Variants in PRUNE2 observed in about 807,000 individuals in gnomAD.
PRUNE2 encodes prune homolog 2 with BCH domain, also known as protein prune homolog 2.
A neutral mutation model predicts 252.0 loss-of-function variants in PRUNE2; 164 were observed. The observed-to-expected ratio is 0.65, with a 90% confidence interval of 0.57 to 0.74. PRUNE2 has a LOEUF of 0.74. Ranked by LOEUF, PRUNE2 falls within the 30% of genes least tolerant of loss-of-function variation. The pLI is 0.00. For synonymous variants in PRUNE2, 1,292 were observed against 1,350.2 expected (o/e 0.96, Z 0.94); for missense variants, 3,495 against 3,711.0 (o/e 0.94, Z 1.51).
At chr9:76,741,650 C>G (rs1024760875) in intron 6 of PRUNE2, among the ~76,000 whole-genome samples, 1 of 152,192 alleles carries the variant, frequency 6.6e-6, no homozygotes, top group African/African-American at 2.4e-5. Flanking sequence ...TCAAACGCCT[C>G]CATTTATCAA....
chr9:76,629,436 A>G (rs932537969), intron 15 of PRUNE2, 146 bp from the exon 16 acceptor site: 1 of 535,916 alleles, frequency 1.9e-6, no homozygotes. Flanking sequence ...ACGAGTTACA[A>G]TGTGCCAGAC....
intron 1 of PRUNE2, among the ~76,000 whole-genome samples, chr9:76,872,483 T>C (rs913868728): frequency 2.0e-5 from 3 of 152,062 alleles, no homozygotes; most frequent in African/African-American, 7.2e-5. Flanking sequence ...GACTTTTGCC[T>C]TTCTTCAAGG....
chr9:76,766,528 T>A (rs2077372021), intron 6 of PRUNE2, among the ~76,000 whole-genome samples: 1 of 152,216 alleles, frequency 6.6e-6, no homozygotes, highest in Non-Finnish European at 1.5e-5. Flanking sequence ...AAATTAACTT[T>A]CTTGGACAAC....
intron 8 of PRUNE2, 136 bp downstream of exon 8, chr9:76,704,625 C>G: frequency 4.7e-6 from 3 of 642,334 alleles, no homozygotes; most frequent in African/African-American, 1.8e-5. Flanking sequence ...TAATACAGGA[C>G]TTAGTGAGGC....
At chr9:76,893,466 G>C (rs1040538307) in intron 1 of PRUNE2, among the ~76,000 whole-genome samples, 1 of 152,222 alleles carries the variant, frequency 6.6e-6, no homozygotes, top group South Asian at 2.1e-4. Flanking sequence ...GTGTACCCAG[G>C]GTGACATGGT....
At chr9:76,681,262 G>A (rs2134216869) in intron 9 of PRUNE2, among the ~76,000 whole-genome samples, 1 of 152,246 alleles carries the variant, frequency 6.6e-6, no homozygotes, top group South Asian at 2.1e-4. Flanking sequence ...ACAGAAAGTA[G>A]AATGGTGGTT....
rs557205581 is a variant in PRUNE2 at position 76,858,224 on chromosome 9, C to T, written c.37-4016G>A. Among the ~76,000 whole-genome samples, 5 of 152,270 alleles carry T rather than the reference C, an allele frequency of 3.3e-5. No homozygotes were observed. In the South Asian group the frequency reaches 8.3e-4, roughly 25 times the overall value. On this transcript the variant is annotated intron_variant, in intron 1 of 18. Coordinates refer to ENST00000376718, the MANE Select transcript of PRUNE2 (RefSeq NM_015225.3). ...GCAATAAACCAAATGGACAAAAATC[C>T]CATCCCTCACTGCACTTGCAATTTA...
chr9:76,757,773 C>T (rs10123185), intron 6 of PRUNE2, among the ~76,000 whole-genome samples: 2,441 of 151,934 alleles, frequency 0.016, 53 homozygotes, highest in African/African-American at 0.049. Context: ...ATGGAGAAAT[C>T]CCATCTCTAC....
chr9:76,870,874 C>T (rs1277022481), intron 1 of PRUNE2, among the ~76,000 whole-genome samples: 4 of 151,950 alleles, frequency 2.6e-5, no homozygotes, highest in African/African-American at 4.8e-5. Flanking sequence ...AATAACAATA[C>T]GGCAGCAAAG....
At chr9:76,778,127 G>A (rs2053998814) in intron 6 of PRUNE2, among the ~76,000 whole-genome samples, 3 of 152,196 alleles carry the variant, frequency 2.0e-5, no homozygotes, top group Admixed American at 2.0e-4. Flanking sequence ...CCAGCCTAGA[G>A]TGATTAAATC....
chr9:76,663,996 T>G lies in PRUNE2; in HGVS notation c.8277-8494A>C, dbSNP rs545369860. Among the ~76,000 whole-genome samples, 445 of 152,324 alleles carry G rather than the reference T, an allele frequency of 2.9e-3. 2 individuals are homozygous for G. Among genetic ancestry groups the G allele is most frequent in the African/African-American group, 0.01 (422 of 41,576 alleles). ...TTCAAAACCTAATCCCACATCTTCC[T>G]CTACGCAGATCCGCTACATCCTACC... On this transcript the variant is annotated intron_variant, in intron 9 of 18. Coordinates refer to ENST00000376718, the MANE Select transcript of PRUNE2 (RefSeq NM_015225.3).
intron 12 of PRUNE2, chr9:76,641,900 C>A (rs1165503635): frequency 6.7e-7 from 1 of 1,503,458 alleles, no homozygotes; most frequent in Non-Finnish European, 8.8e-7. Flanking sequence ...TACACACACA[C>A]ACACCAGCCA....
chr9:76,702,057 T>G lies in PRUNE2; in HGVS notation c.8276+1280A>C, dbSNP rs1029256144. Among the ~76,000 whole-genome samples, 3 of 151,900 alleles carry G rather than the reference T, an allele frequency of 2.0e-5. No individual in the cohort carries two copies. In the East Asian group the frequency reaches 5.8e-4, roughly 29 times the overall value. ...AAGCTGAGTAGCAAAAATATATCTTTTCTCGCTTTTTTTTTTTTTTGAGAC... is the reference window on the plus strand; with the variant it reads ...AAGCTGAGTAGCAAAAATATATCTTGTCTCGCTTTTTTTTTTTTTTGAGAC... On this transcript the variant is annotated intron_variant, in intron 9 of 18. Transcript: ENST00000376718.
chr9:76,687,702 T>TA (rs1258053702), intron 9 of PRUNE2: 1 of 335,734 alleles, frequency 3.0e-6, no homozygotes, highest in Non-Finnish European at 6.2e-6. Flanking sequence ...TGGAAAGTGT[T>TA]AGCCTCGGGG....
intron 6 of PRUNE2, among the ~76,000 whole-genome samples, chr9:76,715,310 G>A (rs747007693): frequency 2.6e-4 from 40 of 152,226 alleles, no homozygotes; most frequent in Non-Finnish European, 5.0e-4. Context: ...TAATTCTGCT[G>A]AGTTGAATCT....
At chr9:76,873,419 C>T (rs1254424514) in intron 1 of PRUNE2, among the ~76,000 whole-genome samples, 3 of 152,174 alleles carry the variant, frequency 2.0e-5, no homozygotes, top group African/African-American at 2.4e-5. Flanking sequence ...GAGGAAACCA[C>T]CCAAAAGTGC....
intron 12 of PRUNE2, chr9:76,641,807 G>T: frequency 2.6e-6 from 2 of 777,422 alleles, no homozygotes; most frequent in Non-Finnish European, 4.0e-6. Flanking sequence ...ACACAGACAG[G>T]CATGAAAGGG....
At chr9:76,740,982 A>T (rs1413858641) in intron 6 of PRUNE2, among the ~76,000 whole-genome samples, 6 of 152,224 alleles carry the variant, frequency 3.9e-5, no homozygotes, top group Non-Finnish European at 8.8e-5. Flanking sequence ...TCTTTCCTAG[A>T]GATAGGGCCA....
Position 76,707,787 on chromosome 9 carries a change from A to T in PRUNE2, c.4487T>A (p.Ile1496Lys). 6.2e-7 allele frequency: 1 copy of T among 1,613,442 alleles called. No individual in the cohort carries two copies. The highest frequency in any genetic ancestry group is 1.3e-5 in the African/African-American group (1 of 75,040). ...GCTGCTGACATGCACATCACTGTCT[A>T]TAGGGACGTCCCCAAAATCAAGACT... is the stretch of plus-strand genomic sequence containing the variant. The part of the protein sequence containing the change: ...PRSLDFGDVP[I>K]DSDVHVSSTC... The change falls in exon 8 of 19, where the codon ATA becomes AAA. Residue 1496 changes from isoleucine to lysine, a missense_variant. Transcript: ENST00000376718.
Sources: allele counts gnomAD v4.1 joint callset (sites outside exome capture counted in the v4.1 genomes callset), GRCh38; gene constraint gnomAD v4.1.1; transcripts MANE v1.5; gene names NCBI Gene and HGNC (gene_info 2026-07-23, HGNC 2026-07-21).